Variants in CLVS1 observed in about 807,000 individuals in gnomAD.
The protein encoded by CLVS1 is clavesin 1, also known as clavesin-1.
A neutral mutation model predicts 33.1 loss-of-function variants in CLVS1; 10 were observed. The observed-to-expected ratio is 0.30, with a 90% CI of 0.19 to 0.51. The LOEUF (loss-of-function observed/expected upper bound fraction) is 0.51, where lower values mean the gene tolerates loss of function less well. Ranked by LOEUF, CLVS1 falls within the 20% of genes least tolerant of loss-of-function variation. The pLI is 0.97. For synonymous variants in CLVS1, 163 were observed against 166.1 expected (o/e 0.98, Z 0.14); for missense variants, 343 against 433.4 (o/e 0.79, Z 1.85).
At chr8:61,194,866 TTAAG>T (rs1209209686) in intron 2 of CLVS1, among the ~76,000 whole-genome samples, 1 of 151,848 alleles carries the variant, frequency 6.6e-6, no homozygotes, top group Non-Finnish European at 1.5e-5. Flanking sequence ...ATTAAGTATA[TTAAG>T]TATTTTATTA....
the CLVS1 span, among the ~76,000 whole-genome samples, chr8:60,983,733 G>A: frequency 6.6e-6 from 1 of 152,166 alleles, no homozygotes; most frequent in Admixed American, 6.5e-5. Context: ...CCTTTGCTGT[G>A]TTGTCTGCTG....
At chr8:61,172,509 A>C (rs972404363) in intron 2 of CLVS1, among the ~76,000 whole-genome samples, 18 of 152,112 alleles carry the variant, frequency 1.2e-4, no homozygotes, top group Admixed American at 4.6e-4. Flanking sequence ...AAGTAGAAAA[A>C]ATAAAATAAT....
intron 2 of CLVS1, among the ~76,000 whole-genome samples, chr8:61,188,777 T>C (rs73684410): frequency 0.093 from 14,153 of 151,990 alleles, 1,269 homozygotes; most frequent in African/African-American, 0.24. Context: ...TTATGGAGCA[T>C]TCAATTCAGA....
At chr8:61,230,373 G>A (rs1808407575) in intron 2 of CLVS1, among the ~76,000 whole-genome samples, 1 of 152,148 alleles carries the variant, frequency 6.6e-6, no homozygotes, top group South Asian at 2.1e-4. Context: ...GTGAGATACT[G>A]GGCCCGTGAC....
chr8:61,311,271 C>T (rs973152892), intron 2 of CLVS1, among the ~76,000 whole-genome samples: 4 of 152,156 alleles, frequency 2.6e-5, no homozygotes, highest in African/African-American at 9.7e-5. Flanking sequence ...GTATGGTGTG[C>T]CATGTGTGTC....
chr8:60,977,479 A>G, the CLVS1 span, among the ~76,000 whole-genome samples: 1 of 152,200 alleles, frequency 6.6e-6, no homozygotes, highest in Non-Finnish European at 1.5e-5. Context: ...ACAAAATGAG[A>G]ATATCAACAA....
At chr8:60,983,985 G>A in the CLVS1 span, among the ~76,000 whole-genome samples, 2 of 152,152 alleles carry the variant, frequency 1.3e-5, no homozygotes, top group South Asian at 4.1e-4. Flanking sequence ...TTCCTTTTTG[G>A]AAAGGAGAAC....
intron 3 of CLVS1, among the ~76,000 whole-genome samples, chr8:61,444,071 T>C (rs778659732): frequency 1.3e-5 from 2 of 152,200 alleles, no homozygotes; most frequent in Non-Finnish European, 2.9e-5. Context: ...TTTATATTTA[T>C]CTTAAATCCT....
At chr8:61,478,342 T>G (rs1376982145) in intron 5 of CLVS1, among the ~76,000 whole-genome samples, 2 of 152,106 alleles carry the variant, frequency 1.3e-5, no homozygotes, top group Non-Finnish European at 2.9e-5. Context: ...TCCACTTGGT[T>G]CAGAGCTGAG....
At chr8:61,100,308 G>A (rs1805425270) in intron 1 of CLVS1, among the ~76,000 whole-genome samples, 1 of 152,196 alleles carries the variant, frequency 6.6e-6, no homozygotes, top group South Asian at 2.1e-4. Flanking sequence ...TTATTAATCA[G>A]TATTTTATAG....
At chr8:61,338,502 C>A (rs1365428660) in intron 2 of CLVS1, among the ~76,000 whole-genome samples, 1 of 152,126 alleles carries the variant, frequency 6.6e-6, no homozygotes, top group Non-Finnish European at 1.5e-5. Context: ...CCAGGTGATG[C>A]TAACGCTGCC....
rs937084628 is a variant in CLVS1 at position 61,499,828 on chromosome 8, GA to G, written c.*292del. ...CCTTTCATATTTATTGTAGTAAATT[GA>G]AAAAATAAAGACTAAATTTGATGGA... is the stretch of plus-strand genomic sequence containing the variant. On this transcript the variant is annotated 3_prime_UTR_variant, in exon 6 of 6. Transcript: ENST00000325897. 4.2e-6 allele frequency: 1 copy of G among 240,488 alleles called. No homozygotes were observed. The highest frequency in any genetic ancestry group is 8.2e-6 in the Non-Finnish European group (1 of 121,848). 14.9% of individuals were successfully genotyped at this position (240,488 alleles called of 1,614,324 possible).
chr8:61,242,607 T>C (rs1050737867), intron 2 of CLVS1, among the ~76,000 whole-genome samples: 1 of 152,092 alleles, frequency 6.6e-6, no homozygotes, highest in African/African-American at 2.4e-5. Context: ...CAGGGCAACA[T>C]GGCAAAACCT....
At chr8:61,078,557 A>G (rs574119734) in intron 1 of CLVS1, among the ~76,000 whole-genome samples, 5 of 152,338 alleles carry the variant, frequency 3.3e-5, no homozygotes, top group Middle Eastern at 3.4e-3. Context: ...CTAAGATTCA[A>G]TGTGAAATCT....
chr8:61,091,323 C>T (rs1162638577), intron 1 of CLVS1, among the ~76,000 whole-genome samples: 1 of 152,166 alleles, frequency 6.6e-6, no homozygotes, highest in Admixed American at 6.5e-5. Flanking sequence ...TGATTTTAGC[C>T]ATAGAGGACT....
At chr8:61,498,631 A>G (rs1407355222) in intron 5 of CLVS1, among the ~76,000 whole-genome samples, 1 of 152,186 alleles carries the variant, frequency 6.6e-6, no homozygotes, top group Non-Finnish European at 1.5e-5. Flanking sequence ...TCAAAAACTA[A>G]TGATCATTAC....
upstream of CLVS1, among the ~76,000 whole-genome samples, chr8:61,052,213 A>G (rs1448094207): frequency 2.6e-5 from 4 of 152,220 alleles, no homozygotes; most frequent in Admixed American, 2.6e-4. Context: ...AACACATAAC[A>G]ACTCCACCTC....
At chr8:61,493,521 A>T (rs892711595) in intron 5 of CLVS1, among the ~76,000 whole-genome samples, 17 of 152,176 alleles carry the variant, frequency 1.1e-4, no homozygotes, top group African/African-American at 4.1e-4. Flanking sequence ...ATTTTTACAC[A>T]TGAGGAGGCC....
intron 2 of CLVS1, among the ~76,000 whole-genome samples, chr8:61,166,394 G>A (rs1032707051): frequency 6.6e-6 from 1 of 151,848 alleles, no homozygotes; most frequent in Non-Finnish European, 1.5e-5. Context: ...TCAGCCTCCC[G>A]AAGTGCTGGG....
Sources: gnomAD v4.1 joint callset for allele counts (sites outside exome capture counted in the v4.1 genomes callset) on GRCh38, gnomAD v4.1.1 for gene constraint, MANE v1.5 for transcripts, NCBI Gene and HGNC (gene_info 2026-07-23, HGNC 2026-07-21) for gene names.